Variants in PCNX2 observed in about 807,000 individuals in gnomAD.
PCNX2 encodes the protein pecanex 2.
A neutral mutation model predicts 223.8 loss-of-function variants in PCNX2; 168 were observed. The ratio of observed to expected loss-of-function variants is 0.75; its 90% CI spans 0.66 to 0.85. The LOEUF (loss-of-function observed/expected upper bound fraction) is 0.85. PCNX2 is among the 40% of genes least tolerant of loss of function. The pLI, the probability that PCNX2 is intolerant of heterozygous loss-of-function variation, is 0.00. For synonymous variants in PCNX2, 1,006 were observed against 1,052.6 expected, an observed-to-expected ratio of 0.96 and a Z score of 0.86; for missense variants, 2,507 against 2,675.5, an observed-to-expected ratio of 0.94 and a Z score of 1.39.
At chr1:233,172,196 T>C (rs1463949001) in intron 17 of PCNX2, among the ~76,000 whole-genome samples, 1 of 152,242 alleles carries the variant, frequency 6.6e-6, no homozygotes, top group Non-Finnish European at 1.5e-5. Flanking sequence ...CAGACCTGTT[T>C]CTGCTGGTTC....
intron 19 of PCNX2, among the ~76,000 whole-genome samples, chr1:233,151,011 A>G (rs986751383): frequency 2.0e-5 from 3 of 151,550 alleles, no homozygotes; most frequent in Non-Finnish European, 4.4e-5. Flanking sequence ...CACTGTGGCC[A>G]CAGGGTAGAC....
chr1:233,275,512 G>A (rs548704498), intron 1 of PCNX2, among the ~76,000 whole-genome samples: 1 of 152,126 alleles, frequency 6.6e-6, no homozygotes, highest in East Asian at 1.9e-4. Context: ...TGGAATAAAT[G>A]AATACTCTTA....
At position 233,098,556 on chromosome 1, in the gene PCNX2, T is replaced by A. The variant is rs182556881; in HGVS notation, c.3838-2693A>T. Among the ~76,000 whole-genome samples the A allele has an allele frequency of 1.3e-3, 198 of 152,288 alleles. 2 individuals are homozygous for A. Among genetic ancestry groups the A allele is most frequent in the Middle Eastern group, 6.8e-3 (2 of 294 alleles). ...ACTTTGTGAAGAATAAAATACATGC[T>A]TTGTAAAGCCTTTCAACATGAAGCT... is the stretch of plus-strand genomic sequence containing the variant. On this transcript the variant is annotated intron_variant, in intron 21 of 33. Coordinates refer to ENST00000258229, the MANE Select transcript of PCNX2 (RefSeq NM_014801.4).
At chr1:233,201,255 T>C (rs1314035029) in intron 13 of PCNX2, among the ~76,000 whole-genome samples, 4 of 152,036 alleles carry the variant, frequency 2.6e-5, no homozygotes, top group Non-Finnish European at 4.4e-5. Context: ...GTTGGAGCCA[T>C]GTTTTGATAC....
intron 1 of PCNX2, among the ~76,000 whole-genome samples, chr1:233,266,295 C>G (rs1454367414): frequency 2.0e-5 from 3 of 152,148 alleles, no homozygotes; most frequent in Admixed American, 6.5e-5. Context: ...ATCTCTTGAG[C>G]CCAGGAGTTC....
At chr1:232,987,199 G>A (rs1278005551) in intron 32 of PCNX2, among the ~76,000 whole-genome samples, 2 of 152,190 alleles carry the variant, frequency 1.3e-5, no homozygotes, top group African/African-American at 4.8e-5. Context: ...CAGGGGCCCT[G>A]CCACCCCAGC....
At chr1:233,219,507 C>T (rs1657239984) in intron 10 of PCNX2, among the ~76,000 whole-genome samples, 1 of 152,086 alleles carries the variant, frequency 6.6e-6, no homozygotes, top group African/African-American at 2.4e-5. Context: ...TCTGAGTATA[C>T]TTCTCACCTT....
intron 23 of PCNX2, among the ~76,000 whole-genome samples, chr1:233,062,786 C>T (rs1418910268): frequency 6.6e-6 from 1 of 152,070 alleles, no homozygotes; most frequent in Non-Finnish European, 1.5e-5. Context: ...ACACATTACA[C>T]TATAGTCTGA....
chr1:233,000,287 A>G lies in PCNX2; in HGVS notation c.5328+18T>C. On this transcript the variant is annotated intron_variant, in intron 30 of 33. Transcript: ENST00000258229. The surrounding 1 kb of genome is among the most constrained non-coding windows in gnomAD (Gnocchi z 4.6). ...AGACACGAGCCAACAGGGGACCCAG[A>G]AAGTGTGGCCGCCATACCTTGATCA... is the stretch of plus-strand genomic sequence containing the variant. 6.2e-7 allele frequency: 1 copy of G among 1,612,328 alleles called. No individual in the cohort carries two copies. The highest frequency in any genetic ancestry group is 8.5e-7 in the Non-Finnish European group (1 of 1,178,542).
At chr1:233,096,169 T>C (rs1392961503) in intron 21 of PCNX2, among the ~76,000 whole-genome samples, 6 of 152,218 alleles carry the variant, frequency 3.9e-5, no homozygotes, top group Non-Finnish European at 8.8e-5. Flanking sequence ...CTTTCCTCCT[T>C]CATATTGGAT....
intron 1 of PCNX2, among the ~76,000 whole-genome samples, chr1:233,280,077 C>A (rs1394789009): frequency 2.0e-5 from 3 of 152,098 alleles, no homozygotes; most frequent in Non-Finnish European, 4.4e-5. Context: ...ACAGTGTTAT[C>A]TGGAGATCCC....
At chr1:233,096,884 G>C (rs1438598904) in intron 21 of PCNX2, among the ~76,000 whole-genome samples, 1 of 152,160 alleles carries the variant, frequency 6.6e-6, no homozygotes, top group Non-Finnish European at 1.5e-5. Context: ...TCCATGAAAA[G>C]CCAACCTGGT....
At chr1:233,103,612 G>T (rs1018929325) in intron 21 of PCNX2, among the ~76,000 whole-genome samples, 9 of 152,010 alleles carry the variant, frequency 5.9e-5, no homozygotes, top group Admixed American at 3.3e-4. Flanking sequence ...GCAAATGATA[G>T]AATTCTTTTT....
rs535193160 is a variant in PCNX2 at position 233,198,986 on chromosome 1, C to T, written c.3019G>A (p.Val1007Ile). Reference protein sequence around the residue: ...TSAVYSVARSVLAAALLHAVC... With the variant: ...TSAVYSVARSILAAALLHAVC... ...GCGTGGAGCAGGGCGGCAGCCAAGA[C>T]GCTCCGGGCCACACTGTAAACAGCC... The change falls in exon 15 of 34, where the codon GTC becomes ATC. Residue 1007 changes from valine to isoleucine, a missense_variant. Val to Ile is a conservative substitution (Grantham distance 29). This residue lies in a region of PCNX2 where 1,372 missense variants were observed against 1,509.4 expected (regional missense o/e 0.91). Coordinates refer to ENST00000258229, the MANE Select transcript of PCNX2 (RefSeq NM_014801.4). The T allele has an allele frequency of 4.0e-5, 65 of 1,605,724 alleles. 1 individual carries two copies. The highest frequency in any genetic ancestry group is 3.3e-4 in the Middle Eastern group (2 of 5,974).
intron 19 of PCNX2, among the ~76,000 whole-genome samples, chr1:233,158,545 G>T (rs1001359567): frequency 6.6e-6 from 1 of 152,064 alleles, no homozygotes; most frequent in South Asian, 2.1e-4. Context: ...TAGAAGTAAA[G>T]GTAAAGGTAT....
intron 13 of PCNX2, among the ~76,000 whole-genome samples, chr1:233,206,302 C>T (rs1247660776): frequency 6.6e-6 from 1 of 151,558 alleles, no homozygotes; most frequent in Non-Finnish European, 1.5e-5. Flanking sequence ...CTTTCTCCTT[C>T]TCTAATCTCC....
chr1:233,022,604 TG>T lies in PCNX2; in HGVS notation c.4605+2541del, dbSNP rs536085356. Among the ~76,000 whole-genome samples the T allele has an allele frequency of 1.3e-3, 160 of 118,526 alleles. No homozygotes were observed. The East Asian group carries it at 0.021, about 16-fold the overall frequency. 77.8% of individuals were successfully genotyped at this position (118,526 alleles called of 152,430 possible). Reference sequence around the variant, plus strand: ...AGTGTGTACACAAAACAGTGAGAGATGGGGGGGGAGTGGGAAACACAGCCAG... The same window carrying T: ...AGTGTGTACACAAAACAGTGAGAGATGGGGGGGAGTGGGAAACACAGCCAG... On this transcript the variant is annotated intron_variant, in intron 26 of 33. Coordinates refer to ENST00000258229, the MANE Select transcript of PCNX2 (RefSeq NM_014801.4).
At chr1:233,042,898 C>T (rs1467393114) in intron 25 of PCNX2, among the ~76,000 whole-genome samples, 1 of 152,082 alleles carries the variant, frequency 6.6e-6, no homozygotes, top group Non-Finnish European at 1.5e-5. Context: ...AAACAAATAC[C>T]TGAAAGGAGG....
At chr1:233,058,404 G>A (rs1217136437) in intron 23 of PCNX2, 3 of 152,028 alleles carry the variant, frequency 2.0e-5, no homozygotes, top group African/African-American at 4.8e-5. Flanking sequence ...AATGAGTGGC[G>A]GTCTTTAAAG....
Sources: gnomAD v4.1 joint callset for allele counts (sites outside exome capture counted in the v4.1 genomes callset) on GRCh38, gnomAD v4.1.1 for gene constraint, gnomAD v4.1.1 regional missense constraint, Gnocchi (gnomAD v3.1) non-coding constraint, MANE v1.5 for transcripts, NCBI Gene and HGNC (gene_info 2026-07-23, HGNC 2026-07-21) for gene names.